NRIP1: variants seen among roughly 807,000 people sequenced by gnomAD.
The protein encoded by NRIP1 is nuclear receptor-interacting protein 1.
NRIP1 carries 28 observed loss-of-function variants against 75.0 expected under a neutral mutation model. The observed-to-expected ratio is 0.37, with a 90% CI of 0.28 to 0.51. The LOEUF is 0.51. NRIP1 is among the 20% of genes least tolerant of loss of function. The pLI is 0.92. For synonymous variants in NRIP1, 526 were observed against 487.6 expected (o/e 1.08, Z -1.04); for missense variants, 1,435 against 1,343.7 (o/e 1.07, Z -1.06).
At chr21:14,983,214 A>C (rs1205394424) in intron 3 of NRIP1, among the ~76,000 whole-genome samples, 1 of 149,984 alleles carries the variant, frequency 6.7e-6, no homozygotes, top group African/African-American at 2.4e-5. Flanking sequence ...TGCAAATACA[A>C]AAAAAAAAAA....
intron 3 of NRIP1, among the ~76,000 whole-genome samples, chr21:14,973,215 T>G (rs1439492418): frequency 6.6e-6 from 1 of 150,988 alleles, no homozygotes; most frequent in Non-Finnish European, 1.5e-5. Flanking sequence ...ATTTGGCTTA[T>G]GGCGGATGAG....
At chr21:15,031,059 CCCTTTCT>C (rs2088665163) in intron 2 of NRIP1, among the ~76,000 whole-genome samples, 1 of 44,632 alleles carries the variant, frequency 2.2e-5, no homozygotes, top group Non-Finnish European at 4.5e-5. Context: ...TCACTACATT[CCCTTTCT>C]ATGTGTGTAC....
intron 3 of NRIP1, among the ~76,000 whole-genome samples, chr21:14,985,698 T>C (rs1037451673): frequency 2.0e-5 from 3 of 152,218 alleles, no homozygotes; most frequent in African/African-American, 7.2e-5. Context: ...TTTTAGTTGC[T>C]GTTTCCCATG....
chr21:15,064,365 G>A (rs1325246246), intron 1 of NRIP1, among the ~76,000 whole-genome samples: 1 of 152,348 alleles, frequency 6.6e-6, no homozygotes, highest in Admixed American at 6.5e-5. Flanking sequence ...AGGACGGAGA[G>A]CGGCGAGGCG....
Position 14,966,675 on chromosome 21 carries a change from G to A in NRIP1, c.1518C>T (p.Gly506=). Reference sequence around the variant, plus strand: ...TTTCTACATTTTCTTCATTCTTATGGCCAAGTAGCAATTGAAGAAGTGTTA... The same window carrying A: ...TTTCTACATTTTCTTCATTCTTATGACCAAGTAGCAATTGAAGAAGTGTTA... ...QKVTLLQLLL[G]HKNEENVEKN... The change falls in exon 4 of 4, where the codon GGC becomes GGT. Residue 506 remains glycine (G), a synonymous_variant. Transcript: ENST00000318948. The A allele has an allele frequency of 1.2e-6, 2 of 1,613,994 alleles. No individual in the cohort carries two copies. Among genetic ancestry groups the A allele is most frequent in the Non-Finnish European group, 1.7e-6 (2 of 1,179,984 alleles).
intron 3 of NRIP1, among the ~76,000 whole-genome samples, chr21:14,995,134 GCAGA>G (rs139387809): frequency 0.18 from 26,738 of 152,014 alleles, 2,820 homozygotes; most frequent in Non-Finnish European, 0.24. Flanking sequence ...TCACATTCAT[GCAGA>G]CAGACAACCA....
At chr21:14,991,529 T>C (rs1039218144) in intron 3 of NRIP1, among the ~76,000 whole-genome samples, 3 of 152,030 alleles carry the variant, frequency 2.0e-5, no homozygotes, top group Admixed American at 6.6e-5. Context: ...CTCTATCTTG[T>C]AGGACTGATG....
intron 3 of NRIP1, among the ~76,000 whole-genome samples, chr21:14,988,355 A>G (rs1310112560): frequency 1.3e-5 from 2 of 152,072 alleles, no homozygotes; most frequent in Non-Finnish European, 2.9e-5. Flanking sequence ...TTCTCAAACA[A>G]AATTTTTTTT....
At chr21:15,055,334 G>A (rs2147390718) in intron 1 of NRIP1, among the ~76,000 whole-genome samples, 1 of 152,286 alleles carries the variant, frequency 6.6e-6, no homozygotes, top group South Asian at 2.1e-4. Context: ...CAAATAAATA[G>A]CAAGTCTCCC....
At chr21:15,010,738 G>C (rs983449494) in intron 3 of NRIP1, among the ~76,000 whole-genome samples, 5 of 152,114 alleles carry the variant, frequency 3.3e-5, no homozygotes, top group African/African-American at 4.8e-5. Flanking sequence ...TAAAAGACTC[G>C]AACAAGGATG....
At chr21:14,971,697 A>G (rs2086906616) in intron 3 of NRIP1, 1 of 149,784 alleles carries the variant, frequency 6.7e-6, no homozygotes, top group African/African-American at 2.4e-5. Context: ...AAAATGTGAT[A>G]TGAAAAATCT....
At chr21:15,019,470 CTTTTTTTTTTTTTTTTTT>C (rs539278321) in intron 2 of NRIP1, among the ~76,000 whole-genome samples, 468 of 38,702 alleles carry the variant, frequency 0.012, 5 homozygotes, top group African/African-American at 0.034. Flanking sequence ...AACTGCATTT[CTTTTTTTTTTTTTTTTTT>C]TTTTTTTTTT....
intron 2 of NRIP1, among the ~76,000 whole-genome samples, chr21:15,019,309 TATAAAGATAG>T (rs2088310711): frequency 1.5e-5 from 2 of 134,728 alleles, no homozygotes; most frequent in Non-Finnish European, 3.1e-5. Flanking sequence ...GTGCAACAAA[TATAAAGATAG>T]ATAGACTGAA....
Position 14,966,822 on chromosome 21 carries a change from A to G in NRIP1, c.1371T>C (p.Pro457=), listed in dbSNP as rs1398982658. The part of the protein sequence containing the change: ...HRTEKSESDQ[P]VSLDNFTQSL... ...ATTGAGTGAAGTTATCCAGGGAAAC[A>G]GGTTGGTCAGATTCTGATTTTTCAG... Residue 457 remains proline, a synonymous_variant, in exon 4 of 4, where the codon CCT becomes CCC. Coordinates refer to ENST00000318948, the MANE Select transcript of NRIP1 (RefSeq NM_003489.4). 1.2e-6 allele frequency: 2 copies of G among 1,614,138 alleles called. No individual in the cohort carries two copies. The highest frequency in any genetic ancestry group is 2.2e-5 in the East Asian group (1 of 44,882).
chr21:14,998,603 C>T (rs1488700385), intron 3 of NRIP1, among the ~76,000 whole-genome samples: 1 of 152,168 alleles, frequency 6.6e-6, no homozygotes, highest in Non-Finnish European at 1.5e-5. Flanking sequence ...CACTTATAAG[C>T]AAATTTTCTT....
chr21:14,966,681 T>G lies in NRIP1; in HGVS notation c.1512A>C (p.Leu504=). The part of the protein sequence containing the change: ...SHQKVTLLQL[L]LGHKNEENVE... ...CATTTTCTTCATTCTTATGGCCAAG[T>G]AGCAATTGAAGAAGTGTTACTTTCT... The change falls in exon 4 of 4, where the codon CTA becomes CTC. Residue 504 remains leucine (L), a synonymous_variant. Coordinates refer to ENST00000318948, the MANE Select transcript of NRIP1 (RefSeq NM_003489.4). 3.1e-6 allele frequency: 5 copies of G among 1,614,150 alleles called. No homozygotes were observed. The highest frequency in any genetic ancestry group is 4.2e-6 in the Non-Finnish European group (5 of 1,180,002).
chr21:15,036,082 T>C (rs1415563048), intron 2 of NRIP1, among the ~76,000 whole-genome samples: 1 of 152,204 alleles, frequency 6.6e-6, no homozygotes, highest in East Asian at 1.9e-4. Flanking sequence ...TTATATCCAT[T>C]TCTATGACAA....
Position 14,965,971 on chromosome 21 carries a change from T to G in NRIP1, c.2222A>C (p.His741Pro), listed in dbSNP as rs868733517. 1 of 1,613,924 alleles carries G rather than the reference T, an allele frequency of 6.2e-7. No individual in the cohort carries two copies. The highest frequency in any genetic ancestry group is 1.3e-5 in the African/African-American group (1 of 75,018). ...TPLRDESTQE[H>P]SERALSEQIL... Reference sequence around the variant, plus strand: ...TTGTTCACTTAAAGCTCTCTCTGAGTGTTCCTGAGTACTTTCATCTCTTAA... The same window carrying G: ...TTGTTCACTTAAAGCTCTCTCTGAGGGTTCCTGAGTACTTTCATCTCTTAA... The change falls in exon 4 of 4, where the codon CAC becomes CCC. Residue 741 changes from histidine to proline, a missense_variant. Physicochemically the swap from His to Pro is moderately conservative, Grantham distance 77. Transcript: ENST00000318948.
chr21:14,973,670 C>T (rs2086966734), intron 3 of NRIP1, among the ~76,000 whole-genome samples: 1 of 139,274 alleles, frequency 7.2e-6, no homozygotes, highest in Non-Finnish European at 1.5e-5. Flanking sequence ...TGAAAATCAG[C>T]TCGCATAATT....
Sources: allele counts gnomAD v4.1 joint callset (sites outside exome capture counted in the v4.1 genomes callset), GRCh38; gene constraint gnomAD v4.1.1; transcripts MANE v1.5; gene names NCBI Gene and HGNC (gene_info 2026-07-23, HGNC 2026-07-21).